Variants in FGF13 observed in about 807,000 individuals in gnomAD.
The protein encoded by FGF13 is fibroblast growth factor 13.
FGF13 carries 2 observed loss-of-function variants against 19.5 expected under a neutral mutation model. The ratio of observed to expected loss-of-function variants is 0.10; its 90% confidence interval spans 0.04 to 0.32. The LOEUF (loss-of-function observed/expected upper bound fraction) is 0.32. FGF13 is among the 10% of genes least tolerant of loss of function. The pLI is 1.00. For missense variants in FGF13, 113 were observed against 192.7 expected (o/e 0.59, Z 2.45); for synonymous variants, 72 against 76.9 (o/e 0.94, Z 0.33).
Position 138,622,472 on chromosome X carries a change from T to C in FGF13, c.*10378A>G, listed in dbSNP as rs188695303. The C allele has an allele frequency of 1.7e-4, 19 of 112,103 alleles. No homozygotes were observed. Among genetic ancestry groups the C allele is most frequent in the Admixed American group, 4.7e-4 (5 of 10,614 alleles). The allele number at this position is 112,103 out of a possible 1,213,427, so 9.2% of individuals were successfully genotyped here. ...CCCTAAATATAACAAAGGCCATATA[T>C]ATGACAAACTCACATCTAACGTGAT... On this transcript the variant is annotated 3_prime_UTR_variant, in exon 5 of 5. Transcript: ENST00000315930.
chrX:138,778,067 G>A (rs995692639), intron 3 of FGF13, among the ~76,000 whole-genome samples: 3 of 111,835 alleles, frequency 2.7e-5, no homozygotes, highest in Admixed American at 9.5e-5. Flanking sequence ...GGCCGAATAG[G>A]AACAGCTCCG....
At chrX:139,032,354 A>C (rs1049840154) in intron 1 of FGF13, among the ~76,000 whole-genome samples, 1 of 111,405 alleles carries the variant, frequency 9.0e-6, no homozygotes, top group African/African-American at 3.3e-5. Flanking sequence ...TTTTTATAAA[A>C]CCTTTGGGAT....
intron 1 of FGF13, among the ~76,000 whole-genome samples, chrX:138,962,105 G>C (rs1429248353): frequency 2.7e-5 from 3 of 111,589 alleles, no homozygotes; most frequent in Non-Finnish European, 5.6e-5. Context: ...TTTGAAAAAG[G>C]GTTAATATGC....
At chrX:139,203,231 C>T (rs186510395) in intron 1 of FGF13, among the ~76,000 whole-genome samples, 1 of 111,402 alleles carries the variant, frequency 9.0e-6, no homozygotes, top group East Asian at 2.9e-4. Flanking sequence ...GACCAGTGGT[C>T]GGGTGCCCCG....
At chrX:138,804,865 T>C (rs776186422) in intron 3 of FGF13, among the ~76,000 whole-genome samples, 19 of 112,237 alleles carry the variant, frequency 1.7e-4, no homozygotes, top group Non-Finnish European at 2.8e-4. Flanking sequence ...AATTTTAATA[T>C]TAGAAACAGA....
chrX:139,161,742 T>C (rs756754306), intron 1 of FGF13, among the ~76,000 whole-genome samples: 49 of 111,442 alleles, frequency 4.4e-4, no homozygotes, highest in African/African-American at 1.6e-3. Context: ...ATCACAAGCA[T>C]TCCTATACAC....
At chrX:139,119,769 G>A (rs149137612) in intron 1 of FGF13, among the ~76,000 whole-genome samples, 3 of 112,369 alleles carry the variant, frequency 2.7e-5, no homozygotes, top group South Asian at 3.7e-4. Context: ...CATAAAGCAG[G>A]CACTCTTTTA....
chrX:139,100,189 A>G (rs1226723350), intron 1 of FGF13, among the ~76,000 whole-genome samples: 1 of 111,435 alleles, frequency 9.0e-6, no homozygotes, highest in African/African-American at 3.3e-5. Flanking sequence ...ATGACCTGGA[A>G]TTTGCAAAGC....
chrX:138,966,883 T>C (rs916331448), intron 1 of FGF13, among the ~76,000 whole-genome samples: 1 of 111,300 alleles, frequency 9.0e-6, no homozygotes, highest in Admixed American at 9.5e-5. Flanking sequence ...TCCCCCATAC[T>C]ACTCTTGTGA....
At chrX:139,081,473 T>C (rs1359643374) in intron 1 of FGF13, among the ~76,000 whole-genome samples, 1 of 111,917 alleles carries the variant, frequency 8.9e-6, no homozygotes, top group Non-Finnish European at 1.9e-5. Flanking sequence ...TCATCCAGTC[T>C]CATATCTCTA....
At chrX:138,719,955 G>A (rs1024319222) in intron 1 of FGF13, among the ~76,000 whole-genome samples, 1 of 112,845 alleles carries the variant, frequency 8.9e-6, no homozygotes, top group Non-Finnish European at 1.9e-5. Flanking sequence ...AAGAGAAGTT[G>A]AATACATTTG....
chrX:138,805,464 A>AT (rs761641794), intron 3 of FGF13, among the ~76,000 whole-genome samples: 1 of 111,039 alleles, frequency 9.0e-6, no homozygotes, highest in Admixed American at 9.7e-5. Context: ...CATGGATTGT[A>AT]TTTTTTTTAA....
intron 1 of FGF13, among the ~76,000 whole-genome samples, chrX:138,933,044 C>T (rs479265): frequency 0.17 from 19,092 of 110,590 alleles, 1,253 homozygotes; most frequent in East Asian, 0.4. Context: ...GAGAGGTCAC[C>T]GGCTTTCTTT....
At position 138,624,862 on chromosome X, in the gene FGF13, A is replaced by G. The variant is rs1306055798; in HGVS notation, c.*7988T>C. Reference sequence around the variant, plus strand: ...AATAAAATAAAAAAATTATCTGCCCAGCAAAGGAAATAATCGACAAAACGA... The same window carrying G: ...AATAAAATAAAAAAATTATCTGCCCGGCAAAGGAAATAATCGACAAAACGA... On this transcript the variant is annotated 3_prime_UTR_variant, in exon 5 of 5. Coordinates refer to ENST00000315930, the MANE Select transcript of FGF13 (RefSeq NM_004114.5). The G allele has an allele frequency of 1.8e-5, 2 of 112,125 alleles. No individual in the cohort carries two copies. Among genetic ancestry groups the G allele is most frequent in the African/African-American group, 6.5e-5 (2 of 30,846 alleles). 9.2% of individuals were successfully genotyped at this position (112,125 alleles called of 1,213,427 possible).
At chrX:138,693,340 C>T (rs1264953145) in intron 3 of FGF13, among the ~76,000 whole-genome samples, 1 of 111,786 alleles carries the variant, frequency 8.9e-6, no homozygotes, top group Non-Finnish European at 1.9e-5. Flanking sequence ...AGACTTTCAT[C>T]TTAATAACAC....
At chrX:138,953,092 G>T (rs2091822296) in intron 1 of FGF13, among the ~76,000 whole-genome samples, 1 of 111,396 alleles carries the variant, frequency 9.0e-6, no homozygotes, top group Non-Finnish European at 1.9e-5. Context: ...ATACCCAAAG[G>T]ATTATAAATC....
rs751017852 is a variant in FGF13 at position 138,799,375 on chromosome X, T to C, written c.217+58137A>G. ...TTCCATGTAGTTGTGCAGTTTTGAG[T>C]GAGTTTCTTAATCCTGAGTTCTAAT... On this transcript the variant is annotated intron_variant, in intron 3 of 6. Transcript: ENST00000436198. Among the ~76,000 whole-genome samples, 4 of 112,164 alleles carry C rather than the reference T, an allele frequency of 3.6e-5. No homozygotes were observed. In the South Asian group the frequency reaches 1.5e-3, roughly 42 times the overall value.
rs145584060 is a variant in FGF13, at chrX:138,896,274, T to C, written c.-112-31624A>G. 5.3e-3 allele frequency among the ~76,000 whole-genome samples: 590 copies of C among 111,630 alleles called. 9 individuals carry two copies. Among genetic ancestry groups the C allele is most frequent in the Admixed American group, 0.041 (431 of 10,466 alleles). On this transcript the variant is annotated intron_variant, in intron 1 of 2. Transcript: ENST00000421460. ...TTTATTTATATCTCAAAACGTCACA[T>C]TGTACCCCATAAATATGTACCAATA...
chrX:138,847,160 G>T (rs1381663853), intron 3 of FGF13, among the ~76,000 whole-genome samples: 1 of 111,931 alleles, frequency 8.9e-6, no homozygotes, highest in Admixed American at 9.5e-5. Context: ...ATGGAGGGGA[G>T]AAGGCATGGC....
Sources: gnomAD v4.1 joint callset for allele counts (sites outside exome capture counted in the v4.1 genomes callset) on GRCh38, gnomAD v4.1.1 for gene constraint, MANE v1.5 for transcripts, NCBI Gene and HGNC (gene_info 2026-07-23, HGNC 2026-07-21) for gene names.